The following KCNAB1 variants were observed in gnomAD, a reference collection of about 807,000 sequenced individuals.
KCNAB1 encodes the protein voltage-gated potassium channel subunit beta-1.
KCNAB1 carries 35 observed loss-of-function variants against 64.6 expected under a neutral mutation model. That is an observed-to-expected ratio of 0.54 (90% CI 0.41 to 0.72). KCNAB1 has a LOEUF of 0.72. Ranked by LOEUF, KCNAB1 falls within the 30% of genes least tolerant of loss-of-function variation. The probability of loss-of-function intolerance (pLI) is 0.00; values close to 1 mark genes in which losing one functional copy is unlikely to be tolerated. For synonymous variants in KCNAB1, 177 were observed against 183.8 expected, an observed-to-expected ratio of 0.96 and a Z score of 0.30; for missense variants, 401 against 512.9, an observed-to-expected ratio of 0.78 and a Z score of 2.11.
intron 1 of KCNAB1, among the ~76,000 whole-genome samples, chr3:156,159,551 C>A (rs1463612298): frequency 6.6e-6 from 1 of 152,166 alleles, no homozygotes; most frequent in Non-Finnish European, 1.5e-5. Context: ...TCAGTAAGTA[C>A]AATTACACAA....
chr3:156,166,146 C>T (rs937005747), intron 1 of KCNAB1, among the ~76,000 whole-genome samples: 1 of 152,134 alleles, frequency 6.6e-6, no homozygotes, highest in Non-Finnish European at 1.5e-5. Flanking sequence ...CGATACACAG[C>T]AGAAGTAAGG....
At chr3:156,161,522 T>C (rs1291363319) in intron 1 of KCNAB1, among the ~76,000 whole-genome samples, 1 of 152,224 alleles carries the variant, frequency 6.6e-6, no homozygotes, top group African/African-American at 2.4e-5. Context: ...TGTGATAAGA[T>C]CAGCTGACAG....
At chr3:156,394,453 T>C (rs1001521763) in intron 1 of KCNAB1, among the ~76,000 whole-genome samples, 1 of 152,194 alleles carries the variant, frequency 6.6e-6, no homozygotes, top group African/African-American at 2.4e-5. Context: ...TATCACACAA[T>C]GTTGACTCTG....
intron 1 of KCNAB1, among the ~76,000 whole-genome samples, chr3:156,249,399 C>T (rs1045782289): frequency 6.6e-6 from 1 of 151,880 alleles, no homozygotes; most frequent in Non-Finnish European, 1.5e-5. Flanking sequence ...TGGCGTAACC[C>T]TGTCTCTACT....
intron 1 of KCNAB1, among the ~76,000 whole-genome samples, chr3:156,272,803 T>G (rs923871105): frequency 4.6e-5 from 7 of 152,074 alleles, no homozygotes; most frequent in Non-Finnish European, 1.0e-4. Context: ...CTGCCACTTC[T>G]GTGAATATGC....
At chr3:156,465,198 T>G (rs924482146) in intron 6 of KCNAB1, among the ~76,000 whole-genome samples, 1 of 152,202 alleles carries the variant, frequency 6.6e-6, no homozygotes, top group Non-Finnish European at 1.5e-5. Flanking sequence ...AAAATTTATT[T>G]TGGAAGTCAA....
intron 1 of KCNAB1, among the ~76,000 whole-genome samples, chr3:156,287,961 G>C (rs993470542): frequency 7.2e-5 from 11 of 152,176 alleles, no homozygotes; most frequent in Non-Finnish European, 1.2e-4. Context: ...AAAACAAACT[G>C]TGTCTATATC....
rs1393155214 is a variant in KCNAB1 at position 156,287,364 on chromosome 3, A to AC, written c.276-134252_276-134251insC. 3.3e-5 allele frequency among the ~76,000 whole-genome samples: 5 copies of AC among 151,908 alleles called. No individual in the cohort carries two copies. The East Asian group carries it at 9.6e-4, about 29-fold the overall frequency. On this transcript the variant is annotated intron_variant, in intron 1 of 13. Transcript: ENST00000490337. ...ACCTCCGTATCAAAAAAAAAAAAAAAAAAACTACCCCAGGGCGTCCACAAA... is the reference window on the plus strand; with the variant it reads ...ACCTCCGTATCAAAAAAAAAAAAAAACAAAACTACCCCAGGGCGTCCACAAA...
chr3:156,402,571 T>G (rs1353898713), intron 1 of KCNAB1, among the ~76,000 whole-genome samples: 2 of 152,190 alleles, frequency 1.3e-5, no homozygotes, highest in Admixed American at 1.3e-4. Context: ...GATAAGACAA[T>G]GATATGTGAT....
chr3:156,143,566 C>CTTTTTTTT, intron 1 of KCNAB1: 3 of 159,572 alleles, frequency 1.9e-5, no homozygotes, highest in Non-Finnish European at 2.1e-5. Flanking sequence ...GGGTTGCATT[C>CTTTTTTTT]TTGTTTTTTT....
chr3:156,361,392 C>T (rs1311700499), intron 1 of KCNAB1, among the ~76,000 whole-genome samples: 1 of 152,136 alleles, frequency 6.6e-6, no homozygotes, highest in East Asian at 1.9e-4. Flanking sequence ...CTCCACATAC[C>T]CCTTCCCTGC....
chr3:156,536,562 A>G (rs2108435082), intron 13 of KCNAB1, 96 bp from the exon 14 acceptor site: 3 of 832,214 alleles, frequency 3.6e-6, no homozygotes, highest in Non-Finnish European at 4.2e-6. Context: ...TTATGAAGAT[A>G]TATGATTCTA....
At chr3:156,283,584 C>A (rs1480359309) in intron 1 of KCNAB1, among the ~76,000 whole-genome samples, 1 of 151,756 alleles carries the variant, frequency 6.6e-6, no homozygotes, top group South Asian at 2.1e-4. Context: ...TCCATTCTCC[C>A]CATCACTTTC....
rs981676878 is a variant in KCNAB1 at position 156,258,518 on chromosome 3, A to G, written c.275+137632A>G. ...CAGCCCACACCGTAGCAAGTCCCTC[A>G]TTCATATGCATCCACCTGCCTGCTG... On this transcript the variant is annotated intron_variant, in intron 1 of 13. Coordinates refer to ENST00000490337, the MANE Select transcript of KCNAB1 (RefSeq NM_172160.3). Among the ~76,000 whole-genome samples, 16 of 152,272 alleles carry G rather than the reference A, an allele frequency of 1.1e-4. No individual in the cohort carries two copies. In the East Asian group the frequency reaches 3.1e-3, roughly 29 times the overall value.
At chr3:156,270,891 C>G (rs924321509) in intron 1 of KCNAB1, among the ~76,000 whole-genome samples, 1 of 152,088 alleles carries the variant, frequency 6.6e-6, no homozygotes, top group African/African-American at 2.4e-5. Flanking sequence ...AATCTCTCAG[C>G]TTTTATTTGT....
intron 2 of KCNAB1, among the ~76,000 whole-genome samples, chr3:156,431,411 T>G (rs967536505): frequency 1.3e-5 from 2 of 152,256 alleles, no homozygotes; most frequent in African/African-American, 4.8e-5. Flanking sequence ...GAGAATCATT[T>G]GAATCCTGTC....
intron 1 of KCNAB1, among the ~76,000 whole-genome samples, chr3:156,395,756 C>G (rs1435032856): frequency 6.6e-6 from 1 of 151,822 alleles, no homozygotes. Flanking sequence ...CTGGGTAGCT[C>G]GCTCTCTTTG....
At chr3:156,196,058 T>G (rs960722314) in intron 1 of KCNAB1, among the ~76,000 whole-genome samples, 1 of 152,320 alleles carries the variant, frequency 6.6e-6, no homozygotes, top group East Asian at 1.9e-4. Context: ...TTTCCCCATT[T>G]CTTGTTTTTG....
At chr3:156,401,216 AC>A in intron 1 of KCNAB1, among the ~76,000 whole-genome samples, 1 of 152,210 alleles carries the variant, frequency 6.6e-6, no homozygotes, top group South Asian at 2.1e-4. Flanking sequence ...TAGAATGTAA[AC>A]AGAAACAAGT....
Sources: allele counts gnomAD v4.1 joint callset (sites outside exome capture counted in the v4.1 genomes callset), GRCh38; gene constraint gnomAD v4.1.1; transcripts MANE v1.5; gene names NCBI Gene and HGNC (gene_info 2026-07-23, HGNC 2026-07-21).